KCNT2: variants seen among roughly 807,000 people sequenced by gnomAD.
KCNT2 encodes potassium sodium-activated channel subfamily T member 2, also known as potassium channel subfamily T member 2.
A neutral mutation model predicts 153.8 loss-of-function variants in KCNT2; 67 were observed. The ratio of observed to expected loss-of-function variants is 0.44; its 90% CI spans 0.36 to 0.53. The LOEUF is 0.53. KCNT2 is among the 20% of genes least tolerant of loss of function. The pLI, the probability that KCNT2 is intolerant of heterozygous loss-of-function variation, is 0.00. For synonymous variants in KCNT2, 500 were observed against 458.8 expected (o/e 1.09, Z -1.15); for missense variants, 975 against 1,354.8 (o/e 0.72, Z 4.40).
chr1:196,589,406 T>C (rs995819837), intron 1 of KCNT2, among the ~76,000 whole-genome samples: 1 of 152,102 alleles, frequency 6.6e-6, no homozygotes, highest in Non-Finnish European at 1.5e-5. Flanking sequence ...TCTAGAGGTG[T>C]TGGCATTAAA....
chr1:196,373,038 T>A, intron 14 of KCNT2, 102 bp downstream of exon 14: 3 of 643,064 alleles, frequency 4.7e-6, no homozygotes, highest in Non-Finnish European at 8.4e-6. Flanking sequence ...TAGGTACATA[T>A]CTAGCTGTAT....
chr1:196,543,881 C>T (rs1403681973), intron 1 of KCNT2, among the ~76,000 whole-genome samples: 5 of 152,126 alleles, frequency 3.3e-5, no homozygotes, highest in South Asian at 2.1e-4. Context: ...ATCCAGCAGT[C>T]GTACTCAGGC....
chr1:196,551,612 T>A (rs1657913206), intron 1 of KCNT2, among the ~76,000 whole-genome samples: 1 of 151,728 alleles, frequency 6.6e-6, no homozygotes, highest in Non-Finnish European at 1.5e-5. Context: ...CCATGAAAGA[T>A]GTGCATCTGG....
intron 13 of KCNT2, among the ~76,000 whole-genome samples, chr1:196,394,455 G>C (rs1670751059): frequency 6.6e-6 from 1 of 151,548 alleles, no homozygotes; most frequent in South Asian, 2.1e-4. Context: ...ACAGGTTTTT[G>C]ATTGAGTTCT....
chr1:196,238,402 C>A (rs543098180), intron 26 of KCNT2, among the ~76,000 whole-genome samples: 3 of 152,026 alleles, frequency 2.0e-5, no homozygotes, highest in African/African-American at 2.4e-5. Context: ...GGAATTGGAG[C>A]AAGCATTTTG....
At chr1:196,429,820 T>C in intron 8 of KCNT2, 63 bp from the exon 9 acceptor site, 2 of 1,197,716 alleles carry the variant, frequency 1.7e-6, no homozygotes, top group Non-Finnish European at 2.3e-6. Flanking sequence ...TTCTCATCAT[T>C]ATTCTTTTGA....
intron 14 of KCNT2, among the ~76,000 whole-genome samples, chr1:196,347,306 T>A (rs555720825): frequency 6.6e-6 from 1 of 152,202 alleles, no homozygotes; most frequent in South Asian, 2.1e-4. Flanking sequence ...TATATCTTAC[T>A]TTTTATATCT....
intron 14 of KCNT2, 126 bp downstream of exon 14, chr1:196,373,014 C>A: frequency 1.9e-6 from 1 of 532,610 alleles, no homozygotes; most frequent in Non-Finnish European, 3.3e-6. Flanking sequence ...AGATAACTCA[C>A]ACAAATTCAA....
chr1:196,298,060 C>G lies in KCNT2; in HGVS notation c.2595+7174G>C, dbSNP rs567479737. Among the ~76,000 whole-genome samples the G allele has an allele frequency of 1.2e-4, 18 of 152,212 alleles. No individual in the cohort carries two copies. The East Asian group carries it at 3.5e-3, about 29-fold the overall frequency. On this transcript the variant is annotated intron_variant, in intron 22 of 27. Coordinates refer to ENST00000294725, the MANE Select transcript of KCNT2 (RefSeq NM_198503.5). ...AATGACATTTTTACCATATTTCTCC[C>G]AGAAGATATCTCCAATCACTGGTAG... is the stretch of plus-strand genomic sequence containing the variant.
chr1:196,249,560 G>A (rs527266547), intron 26 of KCNT2, among the ~76,000 whole-genome samples: 4 of 152,206 alleles, frequency 2.6e-5, no homozygotes, highest in Non-Finnish European at 4.4e-5. Flanking sequence ...ATCACCTGAG[G>A]TCAGGAGTTT....
chr1:196,247,727 C>A (rs1655580308), intron 26 of KCNT2, among the ~76,000 whole-genome samples: 1 of 152,062 alleles, frequency 6.6e-6, no homozygotes, highest in Non-Finnish European at 1.5e-5. Context: ...GATTCAATTA[C>A]CTCCCAGCAG....
intron 1 of KCNT2, among the ~76,000 whole-genome samples, chr1:196,555,445 A>G (rs894522309): frequency 1.3e-4 from 19 of 151,382 alleles, no homozygotes; most frequent in African/African-American, 4.1e-4. Context: ...ATGTAACCAA[A>G]GAAGTGAAAG....
intron 27 of KCNT2, among the ~76,000 whole-genome samples, chr1:196,233,733 C>A (rs553336573): frequency 6.6e-6 from 1 of 151,472 alleles, no homozygotes; most frequent in South Asian, 2.1e-4. Flanking sequence ...CTGTCATTTG[C>A]AGCAACATAG....
chr1:196,388,399 T>C (rs1670184202), intron 13 of KCNT2, among the ~76,000 whole-genome samples: 1 of 151,714 alleles, frequency 6.6e-6, no homozygotes, highest in Non-Finnish European at 1.5e-5. Flanking sequence ...TTTACATTTT[T>C]ATATTATTTA....
chr1:196,286,579 G>T (rs1359127997), intron 22 of KCNT2, among the ~76,000 whole-genome samples: 1 of 151,298 alleles, frequency 6.6e-6, no homozygotes, highest in Non-Finnish European at 1.5e-5. Context: ...CTGATAAATT[G>T]CATCTGGTAT....
At position 196,257,250 on chromosome 1, in the gene KCNT2, C is replaced by T. The variant is rs965292675; in HGVS notation, c.3211+944G>A. 1.4e-5 allele frequency: 14 copies of T among 985,118 alleles called. No individual in the cohort carries two copies. The African/African-American group carries it at 2.1e-4, about 15-fold the overall frequency. The allele number at this position is 985,118 out of a possible 1,614,324, so 61.0% of individuals were successfully genotyped here. On this transcript the variant is annotated intron_variant, in intron 26 of 27. Transcript: ENST00000294725. ...ATAGCATGCTATGCATAGAGTAGTG[C>T]TAACTTAATATGTGGGTTTTTTCCT... is the stretch of plus-strand genomic sequence containing the variant.
chr1:196,489,732 A>G, intron 3 of KCNT2, 106 bp downstream of exon 3: 1 of 657,320 alleles, frequency 1.5e-6, no homozygotes, highest in African/African-American at 1.9e-5. Context: ...AACACCTAAA[A>G]TACCCTTAAA....
chr1:196,572,866 AT>A (rs1391569304), intron 1 of KCNT2, among the ~76,000 whole-genome samples: 11 of 152,124 alleles, frequency 7.2e-5, no homozygotes, highest in African/African-American at 2.4e-4. Context: ...TTCTTGATGC[AT>A]GATGACACTT....
chr1:196,598,357 C>T (rs1256791954), intron 1 of KCNT2, among the ~76,000 whole-genome samples: 1 of 152,006 alleles, frequency 6.6e-6, no homozygotes, highest in African/African-American at 2.4e-5. Context: ...TAATCTATAC[C>T]CCCATACACA....
Sources: allele counts gnomAD v4.1 joint callset (sites outside exome capture counted in the v4.1 genomes callset), GRCh38; gene constraint gnomAD v4.1.1; transcripts MANE v1.5; gene names NCBI Gene and HGNC (gene_info 2026-07-23, HGNC 2026-07-21).